The following PTPRD variants were observed in gnomAD, a reference collection of about 807,000 sequenced individuals.
The protein encoded by PTPRD is protein tyrosine phosphatase receptor type D.
Under a neutral mutation model 214.5 loss-of-function variants are expected in PTPRD, and 34 were observed. The ratio of observed to expected loss-of-function variants is 0.16; its 90% confidence interval spans 0.12 to 0.21. The LOEUF (loss-of-function observed/expected upper bound fraction) is 0.21, where lower values mean the gene tolerates loss of function less well. PTPRD is among the 10% of genes least tolerant of loss of function. The pLI, the probability that PTPRD is intolerant of heterozygous loss-of-function variation, is 1.00. For synonymous variants in PTPRD, 1,128 were observed against 845.7 expected (o/e 1.33, Z -5.79); for missense variants, 2,545 against 2,398.7 (o/e 1.06, Z -1.27).
chr9:8,715,191 A>C (rs2098418009), intron 12 of PTPRD, among the ~76,000 whole-genome samples: 1 of 152,204 alleles, frequency 6.6e-6, no homozygotes, highest in South Asian at 2.1e-4. Context: ...TCATCAACTA[A>C]GCTCAGCAGA....
chr9:10,370,153 A>T (rs1029252622), intron 2 of PTPRD, among the ~76,000 whole-genome samples: 3 of 152,126 alleles, frequency 2.0e-5, no homozygotes, highest in Admixed American at 2.0e-4. Context: ...TGGTTTGCTT[A>T]TCAGTAGGAC....
chr9:10,280,049 T>C (rs1348674474), intron 3 of PTPRD, among the ~76,000 whole-genome samples: 1 of 152,176 alleles, frequency 6.6e-6, no homozygotes, highest in African/African-American at 2.4e-5. Context: ...CTGTACTTAA[T>C]ATAATTTTTA....
chr9:9,020,082 A>G (rs1330274841), intron 10 of PTPRD, among the ~76,000 whole-genome samples: 1 of 152,140 alleles, frequency 6.6e-6, no homozygotes, highest in Non-Finnish European at 1.5e-5. Flanking sequence ...AGGGCCATAA[A>G]TAAACTTCTG....
At chr9:8,355,891 A>T (rs948240901) in intron 39 of PTPRD, among the ~76,000 whole-genome samples, 2 of 152,172 alleles carry the variant, frequency 1.3e-5, no homozygotes, top group African/African-American at 4.8e-5. Flanking sequence ...TAATGAGGAT[A>T]CAGGCACATT....
chr9:9,192,266 A>G (rs187044379), intron 9 of PTPRD, among the ~76,000 whole-genome samples: 5 of 152,210 alleles, frequency 3.3e-5, no homozygotes, highest in Non-Finnish European at 7.4e-5. Context: ...GTGTTGGGAG[A>G]AAGCAGGAGT....
chr9:9,760,573 T>TC (rs942696683), intron 6 of PTPRD, among the ~76,000 whole-genome samples: 5 of 147,466 alleles, frequency 3.4e-5, no homozygotes, highest in Non-Finnish European at 7.4e-5. Context: ...GATCTCTTCT[T>TC]CCCCATCATC....
rs569846819 is a variant in PTPRD, at chr9:10,559,393, G to C, written c.-600+53005C>G. 3.9e-5 allele frequency among the ~76,000 whole-genome samples: 6 copies of C among 152,120 alleles called. No homozygotes were observed. The East Asian group carries it at 1.2e-3, about 29-fold the overall frequency. ...TAAAATTTCAGTTCTTCCATCATCAGTCACATTCCAAATAATCAATGGCCA... is the reference window on the plus strand; with the variant it reads ...TAAAATTTCAGTTCTTCCATCATCACTCACATTCCAAATAATCAATGGCCA... On this transcript the variant is annotated intron_variant, in intron 2 of 45. Transcript: ENST00000381196.
chr9:10,010,793 T>C (rs966882183), intron 4 of PTPRD, among the ~76,000 whole-genome samples: 6 of 152,034 alleles, frequency 3.9e-5, no homozygotes, highest in African/African-American at 1.2e-4. Context: ...ATGAAACTTC[T>C]GTGTTAAAAC....
At chr9:10,512,518 A>G (rs2048647729) in intron 2 of PTPRD, among the ~76,000 whole-genome samples, 3 of 152,120 alleles carry the variant, frequency 2.0e-5, no homozygotes, top group Admixed American at 2.0e-4. Context: ...GTTGGGGGGA[A>G]TGGAGCTTAG....
chr9:10,402,710 G>A (rs746802167), intron 2 of PTPRD, among the ~76,000 whole-genome samples: 10 of 151,454 alleles, frequency 6.6e-5, no homozygotes, highest in Admixed American at 2.0e-4. Context: ...ATTTTTCCCA[G>A]CCTAATTTTG....
intron 5 of PTPRD, among the ~76,000 whole-genome samples, chr9:9,935,925 A>ACG (rs1566502255): frequency 6.6e-6 from 1 of 150,992 alleles, no homozygotes; most frequent in African/African-American, 2.4e-5. Flanking sequence ...ATAATGCTGC[A>ACG]TATCTACAAC....
chr9:8,664,355 A>T (rs1424758848), intron 12 of PTPRD, among the ~76,000 whole-genome samples: 1 of 152,204 alleles, frequency 6.6e-6, no homozygotes, highest in Non-Finnish European at 1.5e-5. Context: ...TTTCTTAGTG[A>T]ATACGGACAT....
At chr9:9,580,142 G>A (rs1478007605) in intron 7 of PTPRD, among the ~76,000 whole-genome samples, 1 of 152,040 alleles carries the variant, frequency 6.6e-6, no homozygotes, top group East Asian at 1.9e-4. Flanking sequence ...TCATAACTTT[G>A]CTATTGTGAA....
At chr9:9,529,467 T>A (rs986504528) in intron 8 of PTPRD, among the ~76,000 whole-genome samples, 1 of 152,092 alleles carries the variant, frequency 6.6e-6, no homozygotes, top group African/African-American at 2.4e-5. Context: ...AAACATGTTT[T>A]TAAAGTCATT....
At chr9:9,800,546 G>C (rs1768881) in intron 5 of PTPRD, 1 of 151,886 alleles carries the variant, frequency 6.6e-6, no homozygotes, top group Non-Finnish European at 1.5e-5. Context: ...TGAATTATAG[G>C]TCTGTAAAGA....
At chr9:10,489,445 C>T (rs2099153711) in intron 2 of PTPRD, among the ~76,000 whole-genome samples, 1 of 152,158 alleles carries the variant, frequency 6.6e-6, no homozygotes. Flanking sequence ...GTGATGACAG[C>T]AATCCCTTAG....
intron 11 of PTPRD, among the ~76,000 whole-genome samples, chr9:9,006,368 T>G (rs973648828): frequency 6.6e-6 from 1 of 152,082 alleles, no homozygotes; most frequent in South Asian, 2.1e-4. Context: ...GAACAAAACA[T>G]ATACTTTTAA....
At chr9:9,789,676 A>G (rs2098952524) in intron 5 of PTPRD, among the ~76,000 whole-genome samples, 1 of 151,586 alleles carries the variant, frequency 6.6e-6, no homozygotes, top group East Asian at 1.9e-4. Context: ...GGGCGCCTGT[A>G]GTCCCAGCTA....
intron 2 of PTPRD, among the ~76,000 whole-genome samples, chr9:10,567,130 C>G (rs1266215053): frequency 6.6e-6 from 1 of 152,036 alleles, no homozygotes; most frequent in Non-Finnish European, 1.5e-5. Context: ...TACATATTGT[C>G]TCTCTCAGTG....
Sources: gnomAD v4.1 joint callset for allele counts (sites outside exome capture counted in the v4.1 genomes callset) on GRCh38, gnomAD v4.1.1 for gene constraint, MANE v1.5 for transcripts, NCBI Gene and HGNC (gene_info 2026-07-23, HGNC 2026-07-21) for gene names.